The following SLC25A21 variants were observed in gnomAD, a reference collection of about 807,000 sequenced individuals.
The protein encoded by SLC25A21 is mitochondrial 2-oxodicarboxylate carrier.
SLC25A21 carries 47 observed loss-of-function variants against 43.8 expected under a neutral mutation model. That is an observed-to-expected ratio of 1.07 (90% CI 0.85 to 1.37). The LOEUF (loss-of-function observed/expected upper bound fraction) is 1.37. SLC25A21 is among the 40% of genes most tolerant of loss of function. The pLI is 0.00. For missense variants in SLC25A21, 352 were observed against 350.2 expected (o/e 1.00, Z -0.04); for synonymous variants, 131 against 121.3 (o/e 1.08, Z -0.52).
chr14:36,964,612 G>A (rs932914729), intron 1 of SLC25A21, among the ~76,000 whole-genome samples: 2 of 152,216 alleles, frequency 1.3e-5, no homozygotes, highest in African/African-American at 4.8e-5. Flanking sequence ...TCTTGTGAGA[G>A]TGCAATAAAA....
At chr14:36,771,891 C>T (rs1886633316) in intron 3 of SLC25A21, among the ~76,000 whole-genome samples, 1 of 152,066 alleles carries the variant, frequency 6.6e-6, no homozygotes, top group South Asian at 2.1e-4. Flanking sequence ...TTGCCCTGTA[C>T]CGAAGAACAT....
At chr14:36,742,526 G>A (rs1329174630) in intron 3 of SLC25A21, among the ~76,000 whole-genome samples, 1 of 152,108 alleles carries the variant, frequency 6.6e-6, no homozygotes, top group African/African-American at 2.4e-5. Context: ...TTTGAATTAT[G>A]TAGAATCTAT....
At chr14:36,883,008 C>T (rs1346180881) in intron 1 of SLC25A21, among the ~76,000 whole-genome samples, 1 of 152,114 alleles carries the variant, frequency 6.6e-6, no homozygotes, top group African/African-American at 2.4e-5. Context: ...TCATGATTAT[C>T]ATTTCTCAGC....
intron 3 of SLC25A21, among the ~76,000 whole-genome samples, chr14:36,793,533 CAAA>C (rs35553282): frequency 1.6e-5 from 2 of 125,936 alleles, no homozygotes; most frequent in African/African-American, 5.9e-5. Flanking sequence ...AAAATACAAC[CAAA>C]AAAAAAAAAA....
Position 37,170,293 on chromosome 14 carries a change from C to A in SLC25A21, c.70+1988G>T, listed in dbSNP as rs955889132. On this transcript the variant is annotated intron_variant, in intron 1 of 9. Transcript: ENST00000331299. ...TGGTGATCCGCCTGCCTCCGCCTCA[C>A]AAAGTCCTGGGATTACAGGCGTAAG... Among the ~76,000 whole-genome samples, 12 of 152,310 alleles carry A rather than the reference C, an allele frequency of 7.9e-5. No homozygotes were observed. In the East Asian group the frequency reaches 2.3e-3, roughly 29 times the overall value.
chr14:36,721,228 T>C (rs1884362505), intron 6 of SLC25A21, among the ~76,000 whole-genome samples: 1 of 152,228 alleles, frequency 6.6e-6, no homozygotes, highest in East Asian at 1.9e-4. Context: ...TAACATTTAC[T>C]GAACCATCAC....
At chr14:36,726,370 C>G (rs1383074881) in intron 5 of SLC25A21, among the ~76,000 whole-genome samples, 2 of 151,760 alleles carry the variant, frequency 1.3e-5, no homozygotes, top group Non-Finnish European at 2.9e-5. Context: ...GAGTTCAAGG[C>G]TGCAGTGAGC....
chr14:36,782,333 A>G (rs1298296946), intron 3 of SLC25A21, among the ~76,000 whole-genome samples: 1 of 152,036 alleles, frequency 6.6e-6, no homozygotes, highest in Non-Finnish European at 1.5e-5. Flanking sequence ...TGCTTTCTCT[A>G]TCTTCTCCCC....
intron 1 of SLC25A21, among the ~76,000 whole-genome samples, chr14:37,127,160 C>A (rs757866918): frequency 6.6e-6 from 1 of 152,090 alleles, no homozygotes; most frequent in Admixed American, 6.6e-5. Context: ...AGAATAACAA[C>A]CAGGCCCCAA....
intron 2 of SLC25A21, among the ~76,000 whole-genome samples, chr14:36,814,985 A>G (rs1888404052): frequency 6.6e-6 from 1 of 152,234 alleles, no homozygotes; most frequent in African/African-American, 2.4e-5. Flanking sequence ...AATACTATGC[A>G]GCAATAAAAA....
Position 36,711,331 on chromosome 14 carries a change from A to G in SLC25A21, c.590T>C (p.Ile197Thr), listed in dbSNP as rs757676065. 7 of 1,613,598 alleles carry G rather than the reference A, an allele frequency of 4.3e-6. No individual in the cohort carries two copies. The African/African-American group carries it at 9.3e-5, about 22-fold the overall frequency. Residue 197 changes from isoleucine (I) to threonine (T), a missense_variant, in exon 7 of 10, where the codon ATT (isoleucine) becomes ACT (threonine). Physicochemically the swap from Ile to Thr is moderately conservative, Grantham distance 89. Transcript: ENST00000331299. The stretch of plus-strand genomic sequence containing the variant: ...TTAAATAGTTACCTTATTGACAGGA[A>G]TCATGTTTTTGACATTGTAGTAGAA... ...FGFYYNVKNM[I>T]PVNKDPILEF...
chr14:36,857,385 T>A (rs2138525617), intron 2 of SLC25A21, among the ~76,000 whole-genome samples: 1 of 152,310 alleles, frequency 6.6e-6, no homozygotes, highest in Admixed American at 6.5e-5. Context: ...CCAGATCCCA[T>A]TACTGACTGC....
intron 1 of SLC25A21, among the ~76,000 whole-genome samples, chr14:36,969,155 T>C (rs1959689064): frequency 6.6e-6 from 1 of 152,192 alleles, no homozygotes; most frequent in Non-Finnish European, 1.5e-5. Context: ...TTAGGAAATA[T>C]AATTCTTATG....
intron 3 of SLC25A21, among the ~76,000 whole-genome samples, chr14:36,812,762 C>CTACA (rs1379274457): frequency 6.6e-6 from 1 of 152,058 alleles, no homozygotes; most frequent in Admixed American, 6.6e-5. Flanking sequence ...AGGTAGTGAT[C>CTACA]TACAGCAGTT....
intron 7 of SLC25A21, among the ~76,000 whole-genome samples, chr14:36,705,292 G>A (rs907604553): frequency 1.3e-5 from 2 of 151,758 alleles, no homozygotes; most frequent in Non-Finnish European, 2.9e-5. Flanking sequence ...TGATCCACCC[G>A]CCTCAGCCTC....
At chr14:37,126,900 C>T (rs930317544) in intron 1 of SLC25A21, among the ~76,000 whole-genome samples, 1 of 152,110 alleles carries the variant, frequency 6.6e-6, no homozygotes, top group African/African-American at 2.4e-5. Context: ...AGTTAAGGAA[C>T]TATATTTTTG....
Position 36,684,794 on chromosome 14 carries a change from G to A in SLC25A21, c.735C>T (p.Ile245=). The A allele has an allele frequency of 6.2e-7, 1 of 1,613,268 alleles. No individual in the cohort carries two copies. Among genetic ancestry groups the A allele is most frequent in the Non-Finnish European group, 8.5e-7 (1 of 1,179,564 alleles). ...IQGPQPVPGE[I]KYRTCFKTMA... The stretch of plus-strand genomic sequence containing the variant: ...TTGTTTTAAAACAGGTTCTGTACTT[G>A]ATCTCTCCAGGAACTGGTTGAGGCC... Residue 245 remains isoleucine (I), a synonymous_variant, in exon 8 of 10, where the codon ATC becomes ATT. Transcript: ENST00000331299.
intron 1 of SLC25A21, among the ~76,000 whole-genome samples, chr14:36,965,185 C>T (rs1959584373): frequency 6.6e-6 from 1 of 152,068 alleles, no homozygotes; most frequent in Non-Finnish European, 1.5e-5. Flanking sequence ...AAAATGGTCC[C>T]TTTTGATCCT....
At chr14:36,858,270 G>C (rs909520325) in intron 2 of SLC25A21, among the ~76,000 whole-genome samples, 11 of 152,130 alleles carry the variant, frequency 7.2e-5, no homozygotes, top group African/African-American at 2.7e-4. Flanking sequence ...CCAGAGCCTT[G>C]TATGCACTGG....
Sources: allele counts gnomAD v4.1 joint callset (sites outside exome capture counted in the v4.1 genomes callset), GRCh38; gene constraint gnomAD v4.1.1; transcripts MANE v1.5; gene names NCBI Gene and HGNC (gene_info 2026-07-23, HGNC 2026-07-21).